The following GNAI1 variants were observed in gnomAD, a reference collection of about 807,000 sequenced individuals.
The protein encoded by GNAI1 is guanine nucleotide-binding protein G(i) subunit alpha-1.
A neutral mutation model predicts 38.9 loss-of-function variants in GNAI1; 11 were observed. The ratio of observed to expected loss-of-function variants is 0.28; its 90% CI spans 0.18 to 0.47. The LOEUF is 0.47. Ranked by LOEUF, GNAI1 falls within the 20% of genes least tolerant of loss-of-function variation. The probability of loss-of-function intolerance (pLI) is 0.99; values close to 1 mark genes in which losing one functional copy is unlikely to be tolerated. For missense variants in GNAI1, 317 were observed against 436.9 expected (o/e 0.73, Z 2.45); for synonymous variants, 166 against 145.1 (o/e 1.14, Z -1.04).
chr7:80,206,309 A>G (rs1424868693), intron 5 of GNAI1, among the ~76,000 whole-genome samples: 3 of 152,022 alleles, frequency 2.0e-5, no homozygotes, highest in Non-Finnish European at 4.4e-5. Flanking sequence ...GTGCTTTAAT[A>G]CATGCTATGG....
chr7:80,186,928 G>A (rs1447012132), intron 1 of GNAI1: 1 of 152,204 alleles, frequency 6.6e-6, no homozygotes, highest in East Asian at 1.9e-4. Context: ...GCACACTGTT[G>A]TTGATTAATA....
At chr7:80,209,401 AC>A (rs1788834641) in intron 5 of GNAI1, among the ~76,000 whole-genome samples, 1 of 152,090 alleles carries the variant, frequency 6.6e-6, no homozygotes, top group South Asian at 2.1e-4. Flanking sequence ...CTTCTGGGAA[AC>A]CTCAGTTTTT....
At chr7:80,206,101 C>A (rs374902435) in intron 5 of GNAI1, among the ~76,000 whole-genome samples, 1 of 152,138 alleles carries the variant, frequency 6.6e-6, no homozygotes, top group Admixed American at 6.5e-5. Context: ...CTGATTGCTT[C>A]CATAAGTATT....
chr7:80,218,487 G>A lies in GNAI1; in HGVS notation c.*994G>A, dbSNP rs1363370800. The A allele has an allele frequency of 6.6e-6, 1 of 151,932 alleles. No individual in the cohort carries two copies. Among genetic ancestry groups the A allele is most frequent in the Admixed American group, 6.6e-5 (1 of 15,250 alleles). The allele number at this position is 151,932 out of a possible 1,614,324, so 9.4% of individuals were successfully genotyped here. ...ATAATGAATTTTGAGACATTGATTG[G>A]TGAGGCTTTTATTTCCCTTGAGGAG... On this transcript the variant is annotated 3_prime_UTR_variant, in exon 8 of 8. Coordinates refer to ENST00000649796, the MANE Select transcript of GNAI1 (RefSeq NM_002069.6).
intron 1 of GNAI1, among the ~76,000 whole-genome samples, chr7:80,140,135 C>A (rs1458862651): frequency 6.6e-6 from 1 of 152,078 alleles, no homozygotes; most frequent in Admixed American, 6.5e-5. Flanking sequence ...AGGTGCCTGC[C>A]ACCACGCCCG....
chr7:80,171,201 T>G (rs906987096), intron 1 of GNAI1, among the ~76,000 whole-genome samples: 4 of 152,196 alleles, frequency 2.6e-5, no homozygotes, highest in Non-Finnish European at 5.9e-5. Flanking sequence ...ACTTGCCAAT[T>G]TATAGGCAAT....
rs182233546 is a variant in GNAI1, at chr7:80,167,441, T to G, written c.119-21510T>G. 9.2e-5 allele frequency among the ~76,000 whole-genome samples: 14 copies of G among 152,324 alleles called. No homozygotes were observed. In the East Asian group the frequency reaches 2.1e-3, roughly 23 times the overall value. On this transcript the variant is annotated intron_variant, in intron 1 of 7. Transcript: ENST00000649796. The stretch of plus-strand genomic sequence containing the variant: ...TCGTATTTTACTTCACCTGGAGTAG[T>G]AGCTCCCATCCTGCCAGACCCGATG...
chr7:80,137,510 G>T (rs137886576), intron 1 of GNAI1, among the ~76,000 whole-genome samples: 2 of 151,542 alleles, frequency 1.3e-5, no homozygotes, highest in African/African-American at 2.4e-5. Flanking sequence ...AGTAGAGACC[G>T]GGTTTCACCA....
chr7:80,210,757 C>G (rs563488786), intron 5 of GNAI1, among the ~76,000 whole-genome samples: 1 of 149,828 alleles, frequency 6.7e-6, no homozygotes, highest in East Asian at 1.9e-4. Flanking sequence ...GAGATACCCT[C>G]CCTTCAATCA....
intron 1 of GNAI1, among the ~76,000 whole-genome samples, chr7:80,150,100 A>G (rs950993345): frequency 6.6e-6 from 1 of 152,200 alleles, no homozygotes; most frequent in Non-Finnish European, 1.5e-5. Flanking sequence ...GGGAGCATCA[A>G]TTGGTAAAAC....
chr7:80,142,693 T>C (rs1787547388), intron 1 of GNAI1, among the ~76,000 whole-genome samples: 1 of 152,224 alleles, frequency 6.6e-6, no homozygotes, highest in South Asian at 2.1e-4. Context: ...GTACATATTC[T>C]TTGTGCCTTG....
intron 6 of GNAI1, among the ~76,000 whole-genome samples, chr7:80,211,878 C>T (rs1000490849): frequency 2.0e-5 from 3 of 152,110 alleles, no homozygotes; most frequent in African/African-American, 7.2e-5. Flanking sequence ...GTAGAAATGT[C>T]GGTTTTGTTC....
chr7:80,190,005 T>C (rs1280653922), intron 3 of GNAI1, among the ~76,000 whole-genome samples: 1 of 152,088 alleles, frequency 6.6e-6, no homozygotes, highest in Admixed American at 6.5e-5. Flanking sequence ...GATATATTAT[T>C]GTATTATTTT....
intron 1 of GNAI1, among the ~76,000 whole-genome samples, chr7:80,137,065 C>G (rs531002831): frequency 6.6e-6 from 1 of 152,068 alleles, no homozygotes; most frequent in Non-Finnish European, 1.5e-5. Flanking sequence ...AGCCCCCTAA[C>G]CTGTGAGCTC....
rs1583996273 is a variant in GNAI1, at chr7:80,134,902, T to G, written c.-259T>G. Reference sequence around the variant, plus strand: ...GTGCAGCGGCCACTGTACCCAGAGATTCAAAACCCCAAACCCGGGACTTGG... The same window carrying G: ...GTGCAGCGGCCACTGTACCCAGAGAGTCAAAACCCCAAACCCGGGACTTGG... On this transcript the variant is annotated 5_prime_UTR_variant, in exon 1 of 8. Coordinates refer to ENST00000649796, the MANE Select transcript of GNAI1 (RefSeq NM_002069.6). 1 of 321,884 alleles carries G rather than the reference T, an allele frequency of 3.1e-6. No individual in the cohort carries two copies. The highest frequency in any genetic ancestry group is 5.6e-6 in the Non-Finnish European group (1 of 177,910). 19.9% of individuals were successfully genotyped at this position (321,884 alleles called of 1,614,324 possible).
At chr7:80,206,705 T>A (rs558319413) in intron 5 of GNAI1, among the ~76,000 whole-genome samples, 1 of 152,152 alleles carries the variant, frequency 6.6e-6, no homozygotes, top group African/African-American at 2.4e-5. Context: ...TCTCCCCTTA[T>A]TCGAGGGGAT....
rs182225896 is a variant in GNAI1, at chr7:80,185,535, A to G, written c.119-3416A>G. ...TGCATTCGTTGACCGTTCAATCTGT[A>G]CACTTCAACCCACTCCAAAACCCCT... On this transcript the variant is annotated intron_variant, in intron 1 of 7. Coordinates refer to ENST00000649796, the MANE Select transcript of GNAI1 (RefSeq NM_002069.6). Among the ~76,000 whole-genome samples, 4 of 152,242 alleles carry G rather than the reference A, an allele frequency of 2.6e-5. No individual in the cohort carries two copies. The East Asian group carries it at 7.7e-4, about 29-fold the overall frequency.
At chr7:80,180,091 A>G (rs1000954056) in intron 1 of GNAI1, among the ~76,000 whole-genome samples, 2 of 152,284 alleles carry the variant, frequency 1.3e-5, no homozygotes, top group African/African-American at 2.4e-5. Context: ...AAAAGTTTGT[A>G]TATGTTAATT....
chr7:80,212,585 G>A (rs1338982102), intron 6 of GNAI1, 131 bp from the exon 7 acceptor site: 1 of 548,242 alleles, frequency 1.8e-6, no homozygotes, highest in East Asian at 3.4e-5. Flanking sequence ...TGAAATGGCA[G>A]AAATGTATTT....
Sources: allele counts gnomAD v4.1 joint callset (sites outside exome capture counted in the v4.1 genomes callset), GRCh38; gene constraint gnomAD v4.1.1; transcripts MANE v1.5; gene names NCBI Gene and HGNC (gene_info 2026-07-23, HGNC 2026-07-21).